Variants in MAPKAP1 observed in about 807,000 individuals in gnomAD.
The protein encoded by MAPKAP1 is target of rapamycin complex 2 subunit MAPKAP1.
A neutral mutation model predicts 65.7 loss-of-function variants in MAPKAP1; 20 were observed. The observed-to-expected ratio is 0.30, with a 90% CI of 0.21 to 0.44. The LOEUF (loss-of-function observed/expected upper bound fraction) is 0.44, where lower values mean the gene tolerates loss of function less well. MAPKAP1 is among the 20% of genes least tolerant of loss of function. MAPKAP1 has a pLI of 1.00. For synonymous variants in MAPKAP1, 222 were observed against 244.3 expected (o/e 0.91, Z 0.85); for missense variants, 423 against 648.0 (o/e 0.65, Z 3.77).
intron 6 of MAPKAP1, among the ~76,000 whole-genome samples, chr9:125,547,500 C>T (rs1830461714): frequency 6.6e-6 from 1 of 152,180 alleles, no homozygotes; most frequent in Non-Finnish European, 1.5e-5. Flanking sequence ...ATGAAACAGA[C>T]AATGAATGCC....
intron 5 of MAPKAP1, among the ~76,000 whole-genome samples, chr9:125,570,277 G>A (rs1404941648): frequency 1.3e-5 from 2 of 152,190 alleles, no homozygotes; most frequent in South Asian, 4.1e-4. Context: ...AATGGTATGG[G>A]TAAGTCATGA....
At chr9:125,697,381 CTG>C (rs1835417680) in intron 1 of MAPKAP1, among the ~76,000 whole-genome samples, 1 of 152,148 alleles carries the variant, frequency 6.6e-6, no homozygotes, top group Admixed American at 6.5e-5. Flanking sequence ...ATTTCTAAAA[CTG>C]AGAAAAATAT....
In MAPKAP1 at chr9:125,529,135, T is replaced by C. The variant is rs550328141; in HGVS notation, c.958+13924A>G. On this transcript the variant is annotated intron_variant, in intron 7 of 11. Coordinates refer to ENST00000265960, the MANE Select transcript of MAPKAP1 (RefSeq NM_001006617.3). ...GTTGCAGTGGGCCAAGGTTGCACCA[T>C]TGCACTCCAGCCTGGGCAAAATGAG... Among the ~76,000 whole-genome samples the C allele has an allele frequency of 7.7e-4, 112 of 144,784 alleles. 1 individual carries two copies. The highest frequency in any genetic ancestry group is 2.9e-3 in the Admixed American group (42 of 14,292). The allele number at this position is 144,784 out of a possible 152,430, so 95.0% of individuals were successfully genotyped here.
chr9:125,521,737 G>C, intron 7 of MAPKAP1: 3 of 1,612,822 alleles, frequency 1.9e-6, no homozygotes, highest in Non-Finnish European at 2.5e-6. Context: ...TTGACAGCCA[G>C]TGAAATTAGT....
At position 125,672,550 on chromosome 9, in the gene MAPKAP1, T is replaced by G; in HGVS notation, c.25A>C (p.Ile9Leu). MAFLDNPT[I>L]ILAHIRQSHV... is the part of the protein sequence containing the mutation. ...GACTGTCGAATATGAGCTAGAATGATAGTTGGATTGTCCAAGAAGGCCATC... is the reference window on the plus strand; with the variant it reads ...GACTGTCGAATATGAGCTAGAATGAGAGTTGGATTGTCCAAGAAGGCCATC... Residue 9 changes from isoleucine (I) to leucine (L), a missense_variant, in exon 2 of 12, where the codon ATC becomes CTC. Physicochemically the swap from Ile to Leu is conservative, Grantham distance 5. This residue lies in a region of MAPKAP1 where 14 missense variants were observed against 35.3 expected (regional missense o/e 0.40). Coordinates refer to ENST00000265960, the MANE Select transcript of MAPKAP1 (RefSeq NM_001006617.3). 4 of 1,614,212 alleles carry G rather than the reference T, an allele frequency of 2.5e-6. No individual in the cohort carries two copies. The South Asian group carries it at 4.4e-5, about 18-fold the overall frequency.
At chr9:125,682,108 A>T (rs1024179422) in intron 1 of MAPKAP1, among the ~76,000 whole-genome samples, 4 of 152,182 alleles carry the variant, frequency 2.6e-5, no homozygotes, top group African/African-American at 9.7e-5. Context: ...CTTCAAATAC[A>T]TCACTAAAAT....
chr9:125,700,271 T>C lies in MAPKAP1; in HGVS notation c.-70+6700A>G, dbSNP rs115522978. Among the ~76,000 whole-genome samples the C allele has an allele frequency of 5.0e-3, 768 of 152,344 alleles. 3 individuals are homozygous for C. Among genetic ancestry groups the C allele is most frequent in the African/African-American group, 0.017 (705 of 41,578 alleles). Reference sequence around the variant, plus strand: ...AACAATTTTCTACCAATTTCTCTGCTGAAATGGTACTTATTTATAACACAG... The same window carrying C: ...AACAATTTTCTACCAATTTCTCTGCCGAAATGGTACTTATTTATAACACAG... On this transcript the variant is annotated intron_variant, in intron 1 of 11. Transcript: ENST00000265960.
intron 2 of MAPKAP1, among the ~76,000 whole-genome samples, chr9:125,670,288 T>C (rs1834458457): frequency 6.6e-6 from 1 of 152,182 alleles, no homozygotes; most frequent in Non-Finnish European, 1.5e-5. Context: ...ATAAAATTAC[T>C]GTTATGAATT....
chr9:125,575,227 G>A (rs1831357853), intron 5 of MAPKAP1, among the ~76,000 whole-genome samples: 1 of 152,132 alleles, frequency 6.6e-6, no homozygotes, highest in Non-Finnish European at 1.5e-5. Flanking sequence ...CCAAGTGTAG[G>A]GACATGCACC....
At chr9:125,704,847 C>T (rs972906621) in intron 1 of MAPKAP1, among the ~76,000 whole-genome samples, 7 of 152,188 alleles carry the variant, frequency 4.6e-5, no homozygotes, top group Admixed American at 3.3e-4. Context: ...ACGTACCAGG[C>T]CCTTTATCCC....
Position 125,662,411 on chromosome 9 carries a change from C to T in MAPKAP1, c.350-4612G>A, listed in dbSNP as rs191552184. 3.5e-4 allele frequency among the ~76,000 whole-genome samples: 54 copies of T among 152,222 alleles called. 2 individuals carry two copies. Among genetic ancestry groups the T allele is most frequent in the Admixed American group, 2.0e-4 (3 of 15,298 alleles). ...CAAAAATTTTTTTCCTGACTGGGCA[C>T]GGTGGCTCACGCCTGTAATCCCAGC... On this transcript the variant is annotated intron_variant, in intron 3 of 11. Coordinates refer to ENST00000265960, the MANE Select transcript of MAPKAP1 (RefSeq NM_001006617.3).
chr9:125,476,010 A>G (rs1441317945), intron 9 of MAPKAP1, among the ~76,000 whole-genome samples: 1 of 152,138 alleles, frequency 6.6e-6, no homozygotes, highest in Non-Finnish European at 1.5e-5. Context: ...CCAATTCTCA[A>G]TTCTTTCTCA....
At chr9:125,531,994 G>A (rs1829946960) in intron 7 of MAPKAP1, among the ~76,000 whole-genome samples, 1 of 152,220 alleles carries the variant, frequency 6.6e-6, no homozygotes, top group Non-Finnish European at 1.5e-5. Flanking sequence ...GGCAATTGCA[G>A]CTCCCGTCAA....
At chr9:125,501,556 A>G (rs1173758629) in intron 8 of MAPKAP1, among the ~76,000 whole-genome samples, 2 of 152,070 alleles carry the variant, frequency 1.3e-5, no homozygotes, top group African/African-American at 2.4e-5. Context: ...ACCTTTTTCT[A>G]TTCTCTGCAA....
At chr9:125,528,409 C>T (rs1342763402) in intron 7 of MAPKAP1, among the ~76,000 whole-genome samples, 1 of 152,194 alleles carries the variant, frequency 6.6e-6, no homozygotes, top group Non-Finnish European at 1.5e-5. Flanking sequence ...CTGCCTGCAT[C>T]AAGGAGGGGT....
At chr9:125,667,865 T>A (rs1834386266) in intron 3 of MAPKAP1, among the ~76,000 whole-genome samples, 2 of 152,064 alleles carry the variant, frequency 1.3e-5, no homozygotes, top group South Asian at 4.1e-4. Flanking sequence ...TATAAAAAAT[T>A]TGAAAAAAGT....
intron 5 of MAPKAP1, among the ~76,000 whole-genome samples, chr9:125,563,021 T>G (rs1312102633): frequency 1.3e-5 from 2 of 152,292 alleles, no homozygotes; most frequent in East Asian, 3.9e-4. Context: ...ACATATTACT[T>G]ATAAAAAGTT....
intron 4 of MAPKAP1, among the ~76,000 whole-genome samples, chr9:125,623,972 G>A (rs1445225047): frequency 2.4e-5 from 1 of 41,642 alleles, no homozygotes; most frequent in African/African-American, 5.8e-5. Context: ...CGCCCCGTCC[G>A]GGAGGGAGGT....
intron 1 of MAPKAP1, among the ~76,000 whole-genome samples, chr9:125,702,536 C>CA (rs1329952854): frequency 2.9e-5 from 4 of 137,418 alleles, no homozygotes; most frequent in East Asian, 2.3e-4. Flanking sequence ...CTCCTTCCCA[C>CA]AAAAAAAATA....
Sources: allele counts gnomAD v4.1 joint callset (sites outside exome capture counted in the v4.1 genomes callset), GRCh38; gene constraint gnomAD v4.1.1; regional missense constraint gnomAD v4.1.1; transcripts MANE v1.5; gene names NCBI Gene and HGNC (gene_info 2026-07-23, HGNC 2026-07-21).